BLTP1: variants seen among roughly 807,000 people sequenced by gnomAD.
The protein encoded by BLTP1 is bridge-like lipid transfer protein family member 1, also known as fragile site-associated protein.
the BLTP1 span, chr4:122,240,334 T>G: frequency 6.2e-7 from 1 of 1,613,636 alleles, no homozygotes; most frequent in African/African-American, 1.3e-5. Flanking sequence ...TTTGAACAGC[T>G]TTCTGTTCCA....
At chr4:122,289,210 C>CTTATA in the BLTP1 span, 1 of 1,538,860 alleles carries the variant, frequency 6.5e-7, no homozygotes, top group Non-Finnish European at 8.9e-7. Context: ...GATCTAGTAC[C>CTTATA]TTATAGTATA....
the BLTP1 span, chr4:122,349,107 A>G: frequency 1.4e-6 from 2 of 1,454,036 alleles, no homozygotes; most frequent in East Asian, 2.4e-5. This position sits in a 1 kb window ranked among gnomAD's most constrained non-coding sequence, Gnocchi z 4.5. Context: ...TCCTGTTTTA[A>G]TTCATGACAC....
At chr4:122,329,953 C>T in the BLTP1 span, among the ~76,000 whole-genome samples, 2 of 151,762 alleles carry the variant, frequency 1.3e-5, no homozygotes, top group East Asian at 3.9e-4. Context: ...ATTTTAGATA[C>T]CTCATGTAAG....
At chr4:122,353,376 C>A in the BLTP1 span, 2 of 370,930 alleles carry the variant, frequency 5.4e-6, no homozygotes, top group Non-Finnish European at 3.7e-6. The surrounding 1 kb of genome is among the most constrained non-coding windows in gnomAD (Gnocchi z 4.3). Context: ...GTTTCTGCTG[C>A]TGTGGCTAAA....
chr4:122,289,202 T>G, the BLTP1 span: 2 of 1,569,456 alleles, frequency 1.3e-6, no homozygotes, highest in South Asian at 2.3e-5. Flanking sequence ...GGTAAGATGA[T>G]CTAGTACCTT....
the BLTP1 span, chr4:122,325,367 T>C: frequency 6.5e-6 from 10 of 1,540,430 alleles, no homozygotes; most frequent in Non-Finnish European, 7.9e-6. Flanking sequence ...TAAGTAGTTT[T>C]TACAAATTAC....
the BLTP1 span, among the ~76,000 whole-genome samples, chr4:122,192,706 G>A: frequency 6.8e-4 from 103 of 151,982 alleles, no homozygotes; most frequent in Middle Eastern, 3.4e-3. Flanking sequence ...CCTACTATAT[G>A]CCAGATATTG....
chr4:122,221,115 T>C, the BLTP1 span: 36,872 of 899,402 alleles, frequency 0.041, 862 homozygotes, highest in Non-Finnish European at 0.044. Flanking sequence ...AAATGGAACT[T>C]AATACAAGAC....
chr4:122,264,115 A>AT, the BLTP1 span: 29 of 1,236,704 alleles, frequency 2.3e-5, no homozygotes, highest in South Asian at 6.7e-5. Context: ...AGTATGCATT[A>AT]TTTTTTTTCT....
At chr4:122,215,307 G>A in the BLTP1 span, 1 of 913,256 alleles carries the variant, frequency 1.1e-6, no homozygotes, top group African/African-American at 1.8e-5. Context: ...ATAATCTACA[G>A]GAATCTAAAT....
At chr4:122,254,119 T>G in the BLTP1 span, 25 of 1,401,762 alleles carry the variant, frequency 1.8e-5, no homozygotes, top group Non-Finnish European at 2.4e-5. Context: ...GGTTTTGCAC[T>G]TAAAACATTA....
the BLTP1 span, chr4:122,347,094 CT>C: frequency 1.0e-6 from 1 of 975,798 alleles, no homozygotes; most frequent in Non-Finnish European, 1.2e-6. Context: ...CTCTGTAATC[CT>C]TTTAAATATC....
the BLTP1 span, among the ~76,000 whole-genome samples, chr4:122,163,100 A>G: frequency 6.6e-6 from 1 of 152,222 alleles, no homozygotes; most frequent in South Asian, 2.1e-4. Flanking sequence ...GCCTAGTTAT[A>G]AATAATAAAA....
At chr4:122,172,809 A>G in the BLTP1 span, among the ~76,000 whole-genome samples, 2 of 152,214 alleles carry the variant, frequency 1.3e-5, no homozygotes, top group Admixed American at 6.5e-5. Flanking sequence ...AAAACAGTAC[A>G]AAGCAGTGAT....
chr4:122,239,269 C>T, the BLTP1 span, among the ~76,000 whole-genome samples: 1 of 152,076 alleles, frequency 6.6e-6, no homozygotes, highest in Non-Finnish European at 1.5e-5. Flanking sequence ...TAGAAGATTA[C>T]ATTCTGGGGT....
the BLTP1 span, chr4:122,286,711 G>A: frequency 6.2e-7 from 1 of 1,613,892 alleles, no homozygotes; most frequent in Non-Finnish European, 8.5e-7. Context: ...TTCGGATCAG[G>A]TGTGGAGTAT....
the BLTP1 span, among the ~76,000 whole-genome samples, chr4:122,242,483 A>C: frequency 1.3e-5 from 2 of 152,176 alleles, no homozygotes; most frequent in African/African-American, 4.8e-5. Flanking sequence ...GGGGGAAAAA[A>C]GTAACCTGGG....
the BLTP1 span, chr4:122,344,296 A>G: frequency 1.5e-6 from 2 of 1,367,628 alleles, no homozygotes; most frequent in East Asian, 2.5e-5. Context: ...ATTACAGTAT[A>G]TTAGATAATT....
the BLTP1 span, chr4:122,234,269 T>G: frequency 2.6e-6 from 1 of 387,608 alleles, no homozygotes. Flanking sequence ...GAGTGGTTCA[T>G]TATTTTAATT....
Sources: gnomAD v4.1 joint callset for allele counts (sites outside exome capture counted in the v4.1 genomes callset) on GRCh38, gnomAD v4.1.1 for gene constraint, Gnocchi (gnomAD v3.1) non-coding constraint, MANE v1.5 for transcripts, NCBI Gene and HGNC (gene_info 2026-07-23, HGNC 2026-07-21) for gene names.